BARX2: variants seen among roughly 807,000 people sequenced by gnomAD.
BARX2 encodes the protein homeobox protein BarH-like 2.
In BARX2, 11 loss-of-function variants were observed where a neutral mutation model predicts 25.5. The ratio of observed to expected loss-of-function variants is 0.43; its 90% CI spans 0.27 to 0.71. The LOEUF is 0.71. Among genes scored for constraint, BARX2 ranks in the 30% least tolerant of loss-of-function variants. The pLI, the probability that BARX2 is intolerant of heterozygous loss-of-function variation, is 0.19. For missense variants in BARX2, 360 were observed against 359.9 expected, an observed-to-expected ratio of 1.00 and a Z score of 0.00; for synonymous variants, 137 against 149.5, an observed-to-expected ratio of 0.92 and a Z score of 0.61.
chr11:129,375,801 A>C (rs1861495415), upstream of BARX2: 1 of 153,560 alleles, frequency 6.5e-6, no homozygotes, highest in East Asian at 1.9e-4. The surrounding 1 kb of genome is among the most constrained non-coding windows in gnomAD (Gnocchi z 4.0). Context: ...GCTCGCGCTG[A>C]TTGACAGCTG....
intron 3 of BARX2, among the ~76,000 whole-genome samples, chr11:129,446,346 A>G (rs1034886618): frequency 6.6e-6 from 1 of 152,142 alleles, no homozygotes; most frequent in Non-Finnish European, 1.5e-5. Context: ...AAAGTCCCCA[A>G]ATAGTTAACA....
Position 129,436,010 on chromosome 11 carries a change from G to A in BARX2, c.188-741G>A, listed in dbSNP as rs11600554. On this transcript the variant is annotated intron_variant, in intron 1 of 3. Transcript: ENST00000281437. The surrounding 1 kb of genome is among the most constrained non-coding windows in gnomAD (Gnocchi z 4.5). ...GAGAATCCTCCTTAACATAGTGCTG[G>A]AGGCGCCAGTCATACCGATCTGAGC... Among the ~76,000 whole-genome samples, 33,953 of 152,082 alleles carry A rather than the reference G, an allele frequency of 0.22. 3,937 individuals are homozygous for A. The highest frequency in any genetic ancestry group is 0.29 in the Middle Eastern group (86 of 292).
intron 1 of BARX2, among the ~76,000 whole-genome samples, chr11:129,379,293 C>T (rs1861537070): frequency 1.3e-5 from 2 of 152,096 alleles, no homozygotes; most frequent in South Asian, 4.1e-4. Context: ...GTCATTCAGG[C>T]CATTGGTGAG....
chr11:129,423,825 C>T (rs1862034864), intron 1 of BARX2, among the ~76,000 whole-genome samples: 1 of 151,804 alleles, frequency 6.6e-6, no homozygotes, highest in Non-Finnish European at 1.5e-5. Context: ...CTCCAAGGTC[C>T]AGTCCTTCAT....
intron 3 of BARX2, among the ~76,000 whole-genome samples, chr11:129,447,473 CT>C (rs1411600626): frequency 6.6e-6 from 1 of 152,036 alleles, no homozygotes; most frequent in African/African-American, 2.4e-5. Flanking sequence ...GAGAGGGCTC[CT>C]AGGAGGAAGG....
At chr11:129,406,681 G>A (rs1861833798) in intron 1 of BARX2, among the ~76,000 whole-genome samples, 1 of 152,172 alleles carries the variant, frequency 6.6e-6, no homozygotes, top group Non-Finnish European at 1.5e-5. Flanking sequence ...CCAGTCCTGG[G>A]CTAACCAGCC....
chr11:129,430,614 A>G (rs1335537188), intron 1 of BARX2, among the ~76,000 whole-genome samples: 1 of 152,138 alleles, frequency 6.6e-6, no homozygotes, highest in Non-Finnish European at 1.5e-5. Context: ...TATAACCACC[A>G]CCGTGGTTAA....
chr11:129,405,532 C>T (rs1261762157), intron 1 of BARX2, among the ~76,000 whole-genome samples: 1 of 152,014 alleles, frequency 6.6e-6, no homozygotes, highest in Non-Finnish European at 1.5e-5. Context: ...TAGTTCAGGC[C>T]ATTATTACCA....
intron 1 of BARX2, among the ~76,000 whole-genome samples, chr11:129,421,252 A>G (rs1042926690): frequency 6.6e-6 from 1 of 152,198 alleles, no homozygotes; most frequent in Non-Finnish European, 1.5e-5. Flanking sequence ...AACATGAGTA[A>G]ATATTGATGT....
rs908546454 is a variant in BARX2, at chr11:129,390,120, G to T, written c.187+13898G>T. Among the ~76,000 whole-genome samples the T allele has an allele frequency of 6.6e-6, 1 of 152,212 alleles. No individual in the cohort carries two copies. The highest frequency in any genetic ancestry group is 2.4e-5 in the African/African-American group (1 of 41,444). Reference sequence around the variant, plus strand: ...ATGAATCCCCTCCACGGTGTGAGAAGAATTCTCTTGATGAGGAGTTCTCAC... The same window carrying T: ...ATGAATCCCCTCCACGGTGTGAGAATAATTCTCTTGATGAGGAGTTCTCAC... On this transcript the variant is annotated intron_variant, in intron 1 of 3. Transcript: ENST00000281437. The surrounding 1 kb of genome is among the most constrained non-coding windows in gnomAD (Gnocchi z 4.3).
At position 129,376,637 on chromosome 11, in the gene BARX2, A is replaced by T. The variant is rs551456959; in HGVS notation, c.187+415A>T. ...CTTGAGTTAACTTGTCCAGCCTCCT[A>T]CTGTCTCCACTGTGAATTTTGCAAG... On this transcript the variant is annotated intron_variant, in intron 1 of 3. Transcript: ENST00000281437. The surrounding 1 kb of genome is among the most constrained non-coding windows in gnomAD (Gnocchi z 4.2). 6.6e-6 allele frequency among the ~76,000 whole-genome samples: 1 copy of T among 152,336 alleles called. No individual in the cohort carries two copies. The highest frequency in any genetic ancestry group is 6.5e-5 in the Admixed American group (1 of 15,302).
At chr11:129,447,794 G>T (rs961216092) in intron 3 of BARX2, among the ~76,000 whole-genome samples, 1 of 152,074 alleles carries the variant, frequency 6.6e-6, no homozygotes, top group African/African-American at 2.4e-5. Flanking sequence ...CCATAGACCT[G>T]CCCTTTTCTA....
At chr11:129,437,529 T>C (rs957435002) in intron 2 of BARX2, 24 of 985,850 alleles carry the variant, frequency 2.4e-5, no homozygotes, top group East Asian at 2.3e-4. Context: ...AGGGATCCAG[T>C]TGAGGAGGTC....
intron 1 of BARX2, among the ~76,000 whole-genome samples, chr11:129,377,260 A>G (rs1861513551): frequency 6.6e-6 from 1 of 152,156 alleles, no homozygotes; most frequent in Non-Finnish European, 1.5e-5. Flanking sequence ...GTTTTGGAAG[A>G]TATTTTTTGG....
chr11:129,441,606 A>G (rs1430457269), intron 2 of BARX2, among the ~76,000 whole-genome samples: 1 of 150,608 alleles, frequency 6.6e-6, no homozygotes, highest in Non-Finnish European at 1.5e-5. Flanking sequence ...CTGCCACCAC[A>G]CCCAGTTAAT....
chr11:129,419,104 G>A (rs922354705), intron 1 of BARX2, among the ~76,000 whole-genome samples: 2 of 152,178 alleles, frequency 1.3e-5, no homozygotes, highest in Admixed American at 6.5e-5. Flanking sequence ...ATGTGAGTGC[G>A]CCCTGTGTTG....
chr11:129,445,405 C>T (rs1862314094), intron 3 of BARX2, among the ~76,000 whole-genome samples: 1 of 152,204 alleles, frequency 6.6e-6, no homozygotes, highest in Non-Finnish European at 1.5e-5. Flanking sequence ...GCCCAGTGCC[C>T]GTGGGCCAAT....
intron 3 of BARX2, among the ~76,000 whole-genome samples, chr11:129,443,706 T>C (rs755659611): frequency 6.6e-5 from 10 of 152,220 alleles, no homozygotes; most frequent in Non-Finnish European, 1.2e-4. Flanking sequence ...CCCTACGTTG[T>C]GAGGAACTCA....
intron 1 of BARX2, among the ~76,000 whole-genome samples, chr11:129,430,938 T>C (rs1281530682): frequency 1.3e-5 from 2 of 152,216 alleles, no homozygotes; most frequent in African/African-American, 2.4e-5. Flanking sequence ...CTCTGCTCTC[T>C]GCAACCTTCA....
Sources: gnomAD v4.1 joint callset for allele counts (sites outside exome capture counted in the v4.1 genomes callset) on GRCh38, gnomAD v4.1.1 for gene constraint, Gnocchi (gnomAD v3.1) non-coding constraint, MANE v1.5 for transcripts, NCBI Gene and HGNC (gene_info 2026-07-23, HGNC 2026-07-21) for gene names.